The following NCOR2 variants were observed in gnomAD, a reference collection of about 807,000 sequenced individuals.
NCOR2 encodes the protein CTG repeat protein 26.
In NCOR2, 81 loss-of-function variants were observed where a neutral mutation model predicts 262.9. The observed-to-expected ratio is 0.31, with a 90% CI of 0.26 to 0.37. The LOEUF (loss-of-function observed/expected upper bound fraction) is 0.37. NCOR2 is among the 10% of genes least tolerant of loss of function. The pLI, the probability that NCOR2 is intolerant of heterozygous loss-of-function variation, is 1.00. For missense variants in NCOR2, 3,385 were observed against 3,621.4 expected (o/e 0.93, Z 1.68); for synonymous variants, 1,659 against 1,559.3 (o/e 1.06, Z -1.51).
At chr12:124,528,968 T>A in intron 1 of NCOR2, among the ~76,000 whole-genome samples, 1 of 152,102 alleles carries the variant, frequency 6.6e-6, no homozygotes, top group East Asian at 1.9e-4. Context: ...TCACCTGAGG[T>A]CGGGAATTCG....
intron 36 of NCOR2, 29 bp from the exon 39 acceptor site, chr12:124,340,233 G>A (rs2036339936): frequency 1.2e-6 from 2 of 1,606,058 alleles, no homozygotes; most frequent in African/African-American, 1.3e-5. Context: ...ATCAGCAGGG[G>A]GAGGCCTCTT....
At position 124,378,277 on chromosome 12, in the gene NCOR2, G is replaced by A. The variant is rs1330798303; in HGVS notation, c.2127C>T (p.Gly709=). Residue 709 remains glycine, a synonymous_variant, in exon 18 of 47, where the codon GGC becomes GGT. Coordinates refer to ENST00000405201, the Ensembl canonical transcript of NCOR2. This position sits in a 1 kb window ranked among gnomAD's most constrained non-coding sequence, Gnocchi z 4.2. ...CCATCTCCTCCTCATTTCCGCTCACGCCCGACGCCTCCATCTCCTCATCCT... is the reference window on the plus strand; with the variant it reads ...CCATCTCCTCCTCATTTCCGCTCACACCCGACGCCTCCATCTCCTCATCCT... The A allele has an allele frequency of 6.2e-6, 10 of 1,613,890 alleles. No homozygotes were observed. The highest frequency in any genetic ancestry group is 3.3e-5 in the South Asian group (3 of 91,074).
At chr12:124,421,306 C>T (rs2043191323) in intron 12 of NCOR2, among the ~76,000 whole-genome samples, 1 of 152,248 alleles carries the variant, frequency 6.6e-6, no homozygotes, top group African/African-American at 2.4e-5. Flanking sequence ...AGTTTACTCC[C>T]CAGCACAAAG....
exon 47 of NCOR2, chr12:124,325,392 C>CCCCCCCCCAG: frequency 8.7e-7 from 1 of 1,152,270 alleles, no homozygotes; most frequent in Non-Finnish European, 1.1e-6. Context: ...CCCCCCCGCC[C>CCCCCCCCCAG]TGTTCTGAGT....
chr12:124,385,904 G>T lies in NCOR2; in HGVS notation c.1877-17C>A. Reference sequence around the variant, plus strand: ...CCAGGAGACCTGTCTCAGGAGAGGAGGGCAGTGAGAAGAGGCCAGGCCCGG... The same window carrying T: ...CCAGGAGACCTGTCTCAGGAGAGGATGGCAGTGAGAAGAGGCCAGGCCCGG... On this transcript the variant is annotated splice_polypyrimidine_tract_variant and intron_variant, in intron 16 of 46. Coordinates refer to ENST00000405201, the Ensembl canonical transcript of NCOR2. 1 of 1,611,406 alleles carries T rather than the reference G, an allele frequency of 6.2e-7. No individual in the cohort carries two copies. Among genetic ancestry groups the T allele is most frequent in the South Asian group, 1.1e-5 (1 of 90,894 alleles).
chr12:124,479,470 A>ACAG (rs1565981609), intron 3 of NCOR2, among the ~76,000 whole-genome samples: 1 of 63,206 alleles, frequency 1.6e-5, no homozygotes, highest in East Asian at 4.5e-4. Context: ...CACACACACA[A>ACAG]ACACGCAGGG....
intron 1 of NCOR2, chr12:124,530,263 G>A (rs1019283024): frequency 8.6e-5 from 13 of 150,870 alleles, no homozygotes; most frequent in African/African-American, 2.4e-5. Context: ...TATAACAGCA[G>A]ATCAGTGGGT....
At position 124,477,174 on chromosome 12, in the gene NCOR2, CAT is replaced by C. The variant is rs371304404; in HGVS notation, c.412-4045_412-4044del. Among the ~76,000 whole-genome samples the C allele has an allele frequency of 4.0e-3, 603 of 152,310 alleles. 7 individuals carry two copies. The highest frequency in any genetic ancestry group is 0.012 in the Admixed American group (190 of 15,304). Reference sequence around the variant, plus strand: ...TGAATTGTAGTTCCCATAATTCCCACATGTCATGGGAGGGGCCAAGTGGAGGT... The same window carrying C: ...TGAATTGTAGTTCCCATAATTCCCACGTCATGGGAGGGGCCAAGTGGAGGT... On this transcript the variant is annotated intron_variant, in intron 3 of 46. Transcript: ENST00000405201.
chr12:124,479,525 A>C (rs776211039), intron 3 of NCOR2, among the ~76,000 whole-genome samples: 9 of 151,766 alleles, frequency 5.9e-5, no homozygotes, highest in Non-Finnish European at 1.2e-4. Context: ...ATGCGCGCAC[A>C]CGCACACACA....
exon 34 of NCOR2, chr12:124,341,999 C>T (rs779340578): frequency 3.0e-5 from 48 of 1,613,192 alleles, no homozygotes; most frequent in Non-Finnish European, 4.0e-5. Context: ...GGGGTAGCCG[C>T]GGATGAGGTA....
chr12:124,428,086 T>TGTGTGTGTGTGTGTGTGTGTGTGCGC (rs958627720), intron 10 of NCOR2, among the ~76,000 whole-genome samples: 26 of 147,164 alleles, frequency 1.8e-4, no homozygotes, highest in Non-Finnish European at 2.9e-4. Flanking sequence ...TGTGTGTGTG[T>TGTGTGTGTGTGTGTGTGTGTGTGCGC]GTACATGCAA....
intron 34 of NCOR2, among the ~76,000 whole-genome samples, chr12:124,340,994 C>T (rs528339639): frequency 3.3e-5 from 5 of 152,358 alleles, no homozygotes; most frequent in Non-Finnish European, 7.3e-5. Flanking sequence ...TGCAGCTGCC[C>T]TCACTGGTTC....
At position 124,443,497 on chromosome 12, in the gene NCOR2, ATTT is replaced by A. The variant is rs1203714924; in HGVS notation, c.816-5504_816-5502del. ...TTGGGCTGTGGTGCTTTATTTATTT[ATTT>A]TTTATTTTTTATTTTTTTGAGATGG... is the stretch of plus-strand genomic sequence containing the variant. On this transcript the variant is annotated intron_variant, in intron 7 of 46. Coordinates refer to ENST00000405201, the Ensembl canonical transcript of NCOR2. The surrounding 1 kb of genome is among the most constrained non-coding windows in gnomAD (Gnocchi z 4.4). Among the ~76,000 whole-genome samples the A allele has an allele frequency of 7.0e-6, 1 of 143,630 alleles. No individual in the cohort carries two copies. Among genetic ancestry groups the A allele is most frequent in the South Asian group, 2.3e-4 (1 of 4,366 alleles). The allele number at this position is 143,630 out of a possible 152,430, so 94.2% of individuals were successfully genotyped here.
intron 13 of NCOR2, 101 bp downstream of exon 15, chr12:124,419,856 A>C: frequency 9.5e-7 from 1 of 1,056,050 alleles, no homozygotes; most frequent in Non-Finnish European, 1.4e-6. Flanking sequence ...CAACTCATGG[A>C]GACAGTTACC....
At chr12:124,475,541 C>G (rs1593721357) in intron 3 of NCOR2, among the ~76,000 whole-genome samples, 1 of 152,248 alleles carries the variant, frequency 6.6e-6, no homozygotes, top group African/African-American at 2.4e-5. Flanking sequence ...CTCATCTACT[C>G]ACCCCTGCCA....
At position 124,333,886 on chromosome 12, in the gene NCOR2, A is replaced by ACATG. The variant is rs774584171; in HGVS notation, c.6605+537_6605+538insCATG. On this transcript the variant is annotated intron_variant, in intron 41 of 46. Transcript: ENST00000405201. ...TGTGTGCGCATGTGTGCGGGTGTGC[A>ACATG]TGTGTGTGTGCGCGCGCATGTGTGC... Among the ~76,000 whole-genome samples the ACATG allele has an allele frequency of 4.1e-5, 5 of 120,724 alleles. 1 individual carries two copies. Among genetic ancestry groups the ACATG allele is most frequent in the Non-Finnish European group, 5.8e-5 (3 of 52,156 alleles). The allele number at this position is 120,724 out of a possible 152,430, so 79.2% of individuals were successfully genotyped here.
chr12:124,371,063 C>T (rs1350361070), intron 20 of NCOR2, among the ~76,000 whole-genome samples: 1 of 152,226 alleles, frequency 6.6e-6, no homozygotes, highest in Non-Finnish European at 1.5e-5. Context: ...GTGCCTCTCA[C>T]TCCCAGCAAA....
At chr12:124,420,759 C>T (rs2043159910) in intron 12 of NCOR2, among the ~76,000 whole-genome samples, 1 of 152,204 alleles carries the variant, frequency 6.6e-6, no homozygotes, top group Admixed American at 6.5e-5. Context: ...CTTGCCAATG[C>T]CCACAGCCGT....
At chr12:124,422,063 C>T (rs893836709) in intron 12 of NCOR2, among the ~76,000 whole-genome samples, 4 of 152,234 alleles carry the variant, frequency 2.6e-5, no homozygotes. Flanking sequence ...AAAAGCTGGT[C>T]CCTCCAGTCC....
Sources: gnomAD v4.1 joint callset for allele counts (sites outside exome capture counted in the v4.1 genomes callset) on GRCh38, gnomAD v4.1.1 for gene constraint, Gnocchi (gnomAD v3.1) non-coding constraint, MANE v1.5 for transcripts, NCBI Gene and HGNC (gene_info 2026-07-23, HGNC 2026-07-21) for gene names.